The following PCSK2 variants were observed in gnomAD, a reference collection of about 807,000 sequenced individuals.
PCSK2 encodes the protein neuroendocrine convertase 2.
PCSK2 carries 14 observed loss-of-function variants against 69.7 expected under a neutral mutation model. That is an observed-to-expected ratio of 0.20 (90% CI 0.13 to 0.31). The LOEUF is 0.31. PCSK2 is among the 10% of genes least tolerant of loss of function. PCSK2 has a pLI of 1.00. For synonymous variants in PCSK2, 307 were observed against 320.7 expected, an observed-to-expected ratio of 0.96 and a Z score of 0.46; for missense variants, 544 against 842.5, an observed-to-expected ratio of 0.65 and a Z score of 4.39.
chr20:17,339,075 G>A (rs1198108854), intron 2 of PCSK2, among the ~76,000 whole-genome samples: 1 of 152,082 alleles, frequency 6.6e-6, no homozygotes, highest in Non-Finnish European at 1.5e-5. Flanking sequence ...ACTATAACAA[G>A]ACCCTCCCCT....
chr20:17,325,301 T>G lies in PCSK2; in HGVS notation c.283-33026T>G, dbSNP rs536603490. 6.6e-4 allele frequency among the ~76,000 whole-genome samples: 101 copies of G among 152,246 alleles called. 1 individual carries two copies. Among genetic ancestry groups the G allele is most frequent in the Middle Eastern group, 3.4e-3 (1 of 294 alleles). ...AGAGATGAATAAGTGAATGAACACA[T>G]TTATAAGCAGCTCAATTTTGGTTTT... On this transcript the variant is annotated intron_variant, in intron 2 of 11. Coordinates refer to ENST00000262545, the MANE Select transcript of PCSK2 (RefSeq NM_002594.5).
chr20:17,355,339 G>A (rs190592941), intron 2 of PCSK2, among the ~76,000 whole-genome samples: 82 of 152,214 alleles, frequency 5.4e-4, no homozygotes, highest in Non-Finnish European at 2.6e-4. Context: ...CTTGCTCCCC[G>A]AAGATCCTCT....
intron 5 of PCSK2, 44 bp from the exon 6 acceptor site, chr20:17,409,219 G>A (rs765219139): frequency 8.9e-5 from 130 of 1,453,452 alleles, no homozygotes; most frequent in Middle Eastern, 5.2e-4. Flanking sequence ...CCTTTACTGC[G>A]CCTCTGGCTG....
intron 7 of PCSK2, among the ~76,000 whole-genome samples, chr20:17,434,514 G>A (rs1046238792): frequency 6.6e-6 from 1 of 152,140 alleles, no homozygotes; most frequent in Non-Finnish European, 1.5e-5. Flanking sequence ...TCAGCCTGTG[G>A]CCACCCTATA....
At position 17,360,655 on chromosome 20, in the gene PCSK2, G is replaced by T. The variant is rs770337965; in HGVS notation, c.505+15G>T. ...TATGGATGATGGTGAGTATTTTGAAGCCTGTGCCTCATTTGGAAATAAGCG... is the reference window on the plus strand; with the variant it reads ...TATGGATGATGGTGAGTATTTTGAATCCTGTGCCTCATTTGGAAATAAGCG... On this transcript the variant is annotated intron_variant, in intron 4 of 11. Transcript: ENST00000262545. The T allele has an allele frequency of 1.9e-5, 28 of 1,454,210 alleles. No homozygotes were observed. In the South Asian group the frequency reaches 2.8e-4, roughly 14 times the overall value. The allele number at this position is 1,454,210 out of a possible 1,614,324, so 90.1% of individuals were successfully genotyped here.
At chr20:17,334,691 G>A (rs1011935220) in intron 2 of PCSK2, among the ~76,000 whole-genome samples, 1 of 152,180 alleles carries the variant, frequency 6.6e-6, no homozygotes, top group South Asian at 2.1e-4. Flanking sequence ...AAATGTTCCT[G>A]CTCTGAGAGA....
chr20:17,294,375 G>T (rs936921606), intron 2 of PCSK2, among the ~76,000 whole-genome samples: 49 of 152,078 alleles, frequency 3.2e-4, no homozygotes, highest in Admixed American at 2.8e-3. Flanking sequence ...CAAAGTGCTG[G>T]GATTACAGGC....
chr20:17,446,254 C>G (rs748247954), intron 8 of PCSK2, among the ~76,000 whole-genome samples: 2 of 152,166 alleles, frequency 1.3e-5, no homozygotes, highest in Non-Finnish European at 2.9e-5. Flanking sequence ...CAACCACAGG[C>G]GCCATCAAAC....
chr20:17,398,244 G>T (rs981942016), intron 5 of PCSK2, among the ~76,000 whole-genome samples: 4 of 152,152 alleles, frequency 2.6e-5, no homozygotes, highest in Non-Finnish European at 5.9e-5. Context: ...ATCAGTGTGG[G>T]CTGGATGCAG....
intron 5 of PCSK2, among the ~76,000 whole-genome samples, chr20:17,403,035 G>A (rs557510509): frequency 9.2e-5 from 14 of 152,272 alleles, no homozygotes; most frequent in African/African-American, 1.7e-4. Context: ...TGGCCTGACC[G>A]TTCAGTTGTA....
chr20:17,250,570 C>T (rs137931204), intron 1 of PCSK2, among the ~76,000 whole-genome samples: 4 of 152,106 alleles, frequency 2.6e-5, no homozygotes, highest in Admixed American at 6.6e-5. Context: ...AGATGTTTGC[C>T]GGCCACAATT....
chr20:17,469,837 C>T (rs568388833), intron 11 of PCSK2, among the ~76,000 whole-genome samples: 26 of 152,072 alleles, frequency 1.7e-4, no homozygotes, highest in Middle Eastern at 3.2e-3. Context: ...TCACGGTGGG[C>T]TCTCAGGTAT....
chr20:17,232,274 A>G (rs1266604327), intron 1 of PCSK2, among the ~76,000 whole-genome samples: 1 of 152,206 alleles, frequency 6.6e-6, no homozygotes, highest in Non-Finnish European at 1.5e-5. Context: ...CTAAGTAGTT[A>G]TACCAATTTA....
intron 1 of PCSK2, among the ~76,000 whole-genome samples, chr20:17,246,557 A>T (rs1348851245): frequency 1.3e-5 from 2 of 152,230 alleles, no homozygotes; most frequent in African/African-American, 4.8e-5. Context: ...GAGAGGTTCC[A>T]TGTTCCTGGT....
chr20:17,337,582 C>T (rs1990389133), intron 2 of PCSK2, among the ~76,000 whole-genome samples: 1 of 152,054 alleles, frequency 6.6e-6, no homozygotes, highest in Middle Eastern at 3.2e-3. Flanking sequence ...CCTTATCTTA[C>T]TTTATAAAGA....
At chr20:17,420,421 G>A (rs535196154) in intron 6 of PCSK2, among the ~76,000 whole-genome samples, 17 of 152,252 alleles carry the variant, frequency 1.1e-4, no homozygotes, top group Middle Eastern at 3.4e-3. Flanking sequence ...TAGCTCAAAG[G>A]TTACTGCTTG....
At chr20:17,394,203 G>A (rs1437351063) in intron 5 of PCSK2, among the ~76,000 whole-genome samples, 1 of 152,182 alleles carries the variant, frequency 6.6e-6, no homozygotes, top group Admixed American at 6.5e-5. Flanking sequence ...TTCAGAGCAT[G>A]AGTGAGCTCC....
At chr20:17,265,575 T>C (rs1987566428) in intron 2 of PCSK2, among the ~76,000 whole-genome samples, 1 of 152,364 alleles carries the variant, frequency 6.6e-6, no homozygotes, top group Admixed American at 6.5e-5. Context: ...TAGCATTTTG[T>C]ATTTTTCTAG....
intron 2 of PCSK2, among the ~76,000 whole-genome samples, chr20:17,295,874 A>G (rs916912847): frequency 2.0e-5 from 3 of 152,186 alleles, no homozygotes; most frequent in Non-Finnish European, 4.4e-5. Flanking sequence ...TTACAAATAA[A>G]GATAATGTAT....
Sources: gnomAD v4.1 joint callset for allele counts (sites outside exome capture counted in the v4.1 genomes callset) on GRCh38, gnomAD v4.1.1 for gene constraint, MANE v1.5 for transcripts, NCBI Gene and HGNC (gene_info 2026-07-23, HGNC 2026-07-21) for gene names.